TSPAN14: variants seen among roughly 807,000 people sequenced by gnomAD.
The protein encoded by TSPAN14 is tetraspanin-14.
A neutral mutation model predicts 36.6 loss-of-function variants in TSPAN14; 16 were observed. The observed-to-expected ratio is 0.44, with a 90% CI of 0.30 to 0.66. The LOEUF is 0.66. Among genes scored for constraint, TSPAN14 ranks in the 30% least tolerant of loss-of-function variants. The probability of loss-of-function intolerance (pLI) is 0.12; values close to 1 mark genes in which losing one functional copy is unlikely to be tolerated. For missense variants in TSPAN14, 231 were observed against 355.1 expected (o/e 0.65, Z 2.81); for synonymous variants, 139 against 143.8 (o/e 0.97, Z 0.24).
rs533589097 is a variant in TSPAN14, at chr10:80,485,808, G to A, written c.-17-3409G>A. 5.7e-6 allele frequency: 3 copies of A among 522,996 alleles called. No homozygotes were observed. In the East Asian group the frequency reaches 4.4e-4, roughly 77 times the overall value. The allele number at this position is 522,996 out of a possible 1,614,324, so 32.4% of individuals were successfully genotyped here. A position where few individuals can be genotyped will look rare whatever the true frequency, so the allele number is the denominator to read the frequency against. On this transcript the variant is annotated intron_variant, in intron 1 of 8. Transcript: ENST00000429989. ...TTCTTTTCAACAGTTTATTGCAATAGTTTCCTCTTCTGTGGGTTGAGGATG... is the reference window on the plus strand; with the variant it reads ...TTCTTTTCAACAGTTTATTGCAATAATTTCCTCTTCTGTGGGTTGAGGATG...
At chr10:80,500,500 TTTA>T (rs982671446) in intron 2 of TSPAN14, among the ~76,000 whole-genome samples, 13 of 151,886 alleles carry the variant, frequency 8.6e-5, no homozygotes, top group African/African-American at 3.1e-4. Context: ...CGGCTAATTT[TTTA>T]TTTTTAGTAG....
chr10:80,478,217 A>G (rs1847034059), intron 1 of TSPAN14, among the ~76,000 whole-genome samples: 2 of 152,254 alleles, frequency 1.3e-5, no homozygotes, highest in African/African-American at 2.4e-5. Flanking sequence ...GTTAGAAAAC[A>G]AAGTTATCAG....
At chr10:80,504,616 A>G (rs1318594316) in intron 2 of TSPAN14, 112 bp from the exon 3 acceptor site, 6 of 1,263,084 alleles carry the variant, frequency 4.8e-6, no homozygotes, top group Non-Finnish European at 5.7e-6. Context: ...GCCATGTGGG[A>G]TGTGAGCTAG....
chr10:80,463,637 C>T (rs146956460), intron 1 of TSPAN14, among the ~76,000 whole-genome samples: 22 of 152,292 alleles, frequency 1.4e-4, no homozygotes, highest in African/African-American at 5.3e-4. Context: ...TACCAGCTCT[C>T]TATTGATGGA....
At chr10:80,505,382 C>G (rs942272664) in intron 3 of TSPAN14, among the ~76,000 whole-genome samples, 2 of 152,004 alleles carry the variant, frequency 1.3e-5, no homozygotes, top group Non-Finnish European at 2.9e-5. Context: ...GCTTGTTGCC[C>G]TGTGGCAGGG....
chr10:80,477,698 G>C (rs1345771954), intron 1 of TSPAN14, among the ~76,000 whole-genome samples: 3 of 152,120 alleles, frequency 2.0e-5, no homozygotes, highest in Non-Finnish European at 4.4e-5. Flanking sequence ...CGTGATGCTG[G>C]GTGATGGCCT....
chr10:80,457,965 A>G (rs954414735), intron 1 of TSPAN14, among the ~76,000 whole-genome samples: 1 of 152,250 alleles, frequency 6.6e-6, no homozygotes, highest in Non-Finnish European at 1.5e-5. Context: ...GACAGAGAAC[A>G]TGATGATCCC....
intron 2 of TSPAN14, among the ~76,000 whole-genome samples, chr10:80,499,727 A>G (rs1848390052): frequency 3.9e-5 from 6 of 152,178 alleles, no homozygotes. Context: ...TGGGATATGG[A>G]GGGATAGCCT....
chr10:80,512,665 C>T (rs1306799445), intron 6 of TSPAN14, among the ~76,000 whole-genome samples: 1 of 152,092 alleles, frequency 6.6e-6, no homozygotes, highest in East Asian at 1.9e-4. Flanking sequence ...AACTGGGGAA[C>T]AGTAGTGGAG....
At chr10:80,518,080 C>G in exon 9 of TSPAN14, 1 of 1,182,486 alleles carries the variant, frequency 8.5e-7, no homozygotes, top group Non-Finnish European at 1.2e-6. Flanking sequence ...CCCCCAGAGC[C>G]AGTGCCCCAT....
chr10:80,476,147 G>A (rs1846870126), intron 1 of TSPAN14, among the ~76,000 whole-genome samples: 1 of 151,988 alleles, frequency 6.6e-6, no homozygotes, highest in Admixed American at 6.6e-5. Context: ...TGAGGCAGGC[G>A]AATTGCTTGA....
intron 1 of TSPAN14, among the ~76,000 whole-genome samples, chr10:80,482,296 T>C (rs1486481904): frequency 6.6e-6 from 1 of 152,204 alleles, no homozygotes; most frequent in African/African-American, 2.4e-5. Context: ...AACTGATTTT[T>C]ATTTTTTTGA....
chr10:80,467,028 A>G (rs573845475), intron 1 of TSPAN14, among the ~76,000 whole-genome samples: 34 of 152,338 alleles, frequency 2.2e-4, no homozygotes, highest in African/African-American at 6.3e-4. Context: ...CCGTTAACCA[A>G]TACACTGGGT....
chr10:80,502,825 C>T (rs1011581649), intron 2 of TSPAN14, among the ~76,000 whole-genome samples: 1 of 151,968 alleles, frequency 6.6e-6, no homozygotes, highest in Non-Finnish European at 1.5e-5. Context: ...GGTATTTAAG[C>T]CTTGTGAATT....
At chr10:80,494,391 G>GA (rs1372201389) in intron 2 of TSPAN14, among the ~76,000 whole-genome samples, 8 of 152,186 alleles carry the variant, frequency 5.3e-5, no homozygotes, top group African/African-American at 1.9e-4. Flanking sequence ...AGAGAGTCTT[G>GA]CGAATTTTGC....
At chr10:80,500,358 T>C (rs1436286901) in intron 2 of TSPAN14, among the ~76,000 whole-genome samples, 1 of 139,386 alleles carries the variant, frequency 7.2e-6, no homozygotes, top group Non-Finnish European at 1.5e-5. Flanking sequence ...AGACGAAGTT[T>C]TGCTCTTGCT....
At chr10:80,466,765 G>T (rs1167183341) in intron 1 of TSPAN14, among the ~76,000 whole-genome samples, 1 of 152,172 alleles carries the variant, frequency 6.6e-6, no homozygotes. Flanking sequence ...CAAGAGGTGT[G>T]GGGAAAGGGT....
chr10:80,487,983 C>T (rs1391626435), intron 1 of TSPAN14, among the ~76,000 whole-genome samples: 3 of 152,172 alleles, frequency 2.0e-5, no homozygotes, highest in Admixed American at 2.0e-4. Flanking sequence ...GCCAGCCTGC[C>T]GTGGCTGCCT....
chr10:80,466,420 A>C (rs1015004158), intron 1 of TSPAN14: 2 of 152,170 alleles, frequency 1.3e-5, no homozygotes, highest in Admixed American at 1.3e-4. Flanking sequence ...TGCGCGACTA[A>C]TTTTTAAAAA....
Sources: gnomAD v4.1 joint callset for allele counts (sites outside exome capture counted in the v4.1 genomes callset) on GRCh38, gnomAD v4.1.1 for gene constraint, MANE v1.5 for transcripts, NCBI Gene and HGNC (gene_info 2026-07-23, HGNC 2026-07-21) for gene names.